Variants in TMEM135 observed in about 807,000 individuals in gnomAD.
TMEM135 encodes the protein peroxisomal membrane protein 52.
A neutral mutation model predicts 60.3 loss-of-function variants in TMEM135; 30 were observed. The observed-to-expected ratio is 0.50, with a 90% CI of 0.37 to 0.68. The LOEUF (loss-of-function observed/expected upper bound fraction) is 0.68. Among genes scored for constraint, TMEM135 ranks in the 30% least tolerant of loss-of-function variants. The pLI is 0.00. For synonymous variants in TMEM135, 190 were observed against 186.7 expected, an observed-to-expected ratio of 1.02 and a Z score of -0.14; for missense variants, 468 against 548.8, an observed-to-expected ratio of 0.85 and a Z score of 1.47.
At chr11:87,108,044 G>C (rs1433359280) in intron 4 of TMEM135, among the ~76,000 whole-genome samples, 1 of 152,080 alleles carries the variant, frequency 6.6e-6, no homozygotes, top group Non-Finnish European at 1.5e-5. Context: ...GTGTCTTTTG[G>C]CTGCAAAAAT....
intron 4 of TMEM135, among the ~76,000 whole-genome samples, chr11:87,092,735 G>A (rs1350696372): frequency 1.1e-5 from 1 of 89,728 alleles, no homozygotes; most frequent in Non-Finnish European, 2.2e-5. Context: ...ATCTTGCTGG[G>A]TATAGAATTC....
intron 4 of TMEM135, among the ~76,000 whole-genome samples, chr11:87,098,620 GAA>G (rs1857384105): frequency 6.6e-6 from 1 of 151,920 alleles, no homozygotes; most frequent in Admixed American, 6.6e-5. Context: ...ACTACAACCT[GAA>G]AAGAATCTAA....
chr11:87,242,983 T>G (rs1465345573), intron 6 of TMEM135, among the ~76,000 whole-genome samples: 1 of 139,880 alleles, frequency 7.1e-6, no homozygotes, highest in East Asian at 2.0e-4. Flanking sequence ...TTCATGGTTT[T>G]AGGTCTAACG....
intron 6 of TMEM135, among the ~76,000 whole-genome samples, chr11:87,242,341 T>A (rs1048280477): frequency 9.2e-5 from 14 of 151,386 alleles, no homozygotes; most frequent in African/African-American, 2.4e-4. Context: ...TAGCAGCATG[T>A]TTTATAGTCC....
intron 6 of TMEM135, among the ~76,000 whole-genome samples, chr11:87,281,344 A>T (rs1009395431): frequency 6.6e-6 from 1 of 152,222 alleles, no homozygotes; most frequent in Admixed American, 6.5e-5. Context: ...TGAGTTACTC[A>T]TGTACTATGC....
chr11:87,283,368 G>C (rs1347174570), intron 6 of TMEM135, among the ~76,000 whole-genome samples: 1 of 151,508 alleles, frequency 6.6e-6, no homozygotes, highest in East Asian at 1.9e-4. Context: ...GAGAATAGTA[G>C]TTTGGAAAAG....
chr11:87,054,369 G>A (rs1441667168), intron 1 of TMEM135, among the ~76,000 whole-genome samples: 1 of 152,180 alleles, frequency 6.6e-6, no homozygotes, highest in Admixed American at 6.5e-5. Context: ...CGGAGGCAGA[G>A]GTTGCGATGA....
chr11:87,220,587 T>C (rs1054788187), intron 5 of TMEM135, among the ~76,000 whole-genome samples: 2 of 152,218 alleles, frequency 1.3e-5, no homozygotes, highest in African/African-American at 4.8e-5. Flanking sequence ...GTTCATCTCA[T>C]TTCTAACTTT....
At chr11:87,288,784 T>C (rs1942212895) in intron 6 of TMEM135, among the ~76,000 whole-genome samples, 1 of 152,176 alleles carries the variant, frequency 6.6e-6, no homozygotes, top group Admixed American at 6.5e-5. Context: ...CACTACACCA[T>C]GCGTTGCCTC....
In TMEM135 at chr11:87,325,492, C is replaced by G. The variant is rs902570318; in HGVS notation, c.*4159C>G. On this transcript the variant is annotated 3_prime_UTR_variant, in exon 15 of 15. Coordinates refer to ENST00000305494, the MANE Select transcript of TMEM135 (RefSeq NM_022918.4). The stretch of plus-strand genomic sequence containing the variant: ...ATTCTGTTGCTGTTTTATGTGGGCT[C>G]TCTCTCTCTCCCTCTCTCTCTCTCT... The G allele has an allele frequency of 2.2e-6, 1 of 453,516 alleles. No homozygotes were observed. The highest frequency in any genetic ancestry group is 2.0e-5 in the African/African-American group (1 of 49,894). 28.1% of individuals were successfully genotyped at this position (453,516 alleles called of 1,614,324 possible). A position where few individuals can be genotyped will look rare whatever the true frequency, so the allele number is the denominator to read the frequency against.
At chr11:87,158,072 A>G (rs555667860) in intron 5 of TMEM135, among the ~76,000 whole-genome samples, 41 of 152,262 alleles carry the variant, frequency 2.7e-4, no homozygotes, top group African/African-American at 9.4e-4. Context: ...CTAATGGCAA[A>G]TACTTAAGGA....
chr11:87,121,310 G>C (rs962267890), intron 4 of TMEM135: 1 of 152,034 alleles, frequency 6.6e-6, no homozygotes, highest in Non-Finnish European at 1.5e-5. Flanking sequence ...TGGGTGCTGT[G>C]GATAGCATAG....
intron 5 of TMEM135, among the ~76,000 whole-genome samples, chr11:87,196,479 A>C: frequency 6.6e-6 from 1 of 152,202 alleles, no homozygotes; most frequent in East Asian, 1.9e-4. Context: ...TTATTTTAGG[A>C]TATGCAAATC....
chr11:87,064,773 A>G (rs1856615858), intron 1 of TMEM135, among the ~76,000 whole-genome samples: 1 of 152,154 alleles, frequency 6.6e-6, no homozygotes, highest in Non-Finnish European at 1.5e-5. Flanking sequence ...AATCCCTGCT[A>G]CTTGGGAGAT....
intron 4 of TMEM135, among the ~76,000 whole-genome samples, chr11:87,097,902 A>G (rs1338532185): frequency 1.3e-5 from 2 of 152,108 alleles, no homozygotes; most frequent in African/African-American, 4.8e-5. Context: ...TGCAGTCCCA[A>G]ACCTCTGTAT....
At position 87,323,019 on chromosome 11, in the gene TMEM135, T is replaced by A. The variant is rs1330331792; in HGVS notation, c.*1686T>A. On this transcript the variant is annotated 3_prime_UTR_variant, in exon 15 of 15. Coordinates refer to ENST00000305494, the MANE Select transcript of TMEM135 (RefSeq NM_022918.4). ...TGTTTAAAATGAAGTACTAAAGCCC[T>A]GAGAACTGCACCTCATTTTCTTTAT... 2.2e-6 allele frequency: 1 copy of A among 454,444 alleles called. No individual in the cohort carries two copies. The highest frequency in any genetic ancestry group is 4.4e-6 in the Non-Finnish European group (1 of 226,722). The allele number at this position is 454,444 out of a possible 1,614,324, so 28.2% of individuals were successfully genotyped here. A position where few individuals can be genotyped will look rare whatever the true frequency, so the allele number is the denominator to read the frequency against.
chr11:87,157,987 T>C (rs1290951497), intron 5 of TMEM135: 1 of 152,814 alleles, frequency 6.5e-6, no homozygotes, highest in African/African-American at 2.4e-5. Context: ...GCTCTTTCTT[T>C]ATTTTCTCCT....
At chr11:87,170,292 C>T (rs1939198596) in intron 5 of TMEM135, among the ~76,000 whole-genome samples, 1 of 150,736 alleles carries the variant, frequency 6.6e-6, no homozygotes, top group East Asian at 2.0e-4. Context: ...TTCTGTCATT[C>T]CTCAAACTTA....
rs889400908 is a variant in TMEM135, at chr11:87,258,904, G to A, written c.509+22220G>A. 7.6e-6 allele frequency: 9 copies of A among 1,190,690 alleles called. No individual in the cohort carries two copies. In the African/African-American group the frequency reaches 1.2e-4, roughly 16 times the overall value. The allele number at this position is 1,190,690 out of a possible 1,614,324, so 73.8% of individuals were successfully genotyped here. On this transcript the variant is annotated intron_variant, in intron 6 of 14. Transcript: ENST00000305494. Reference sequence around the variant, plus strand: ...CCCTTGCATTCTTCCTGAGAGCCCTGTGTTAGGCCCTAGAAGTATCTGCTG... The same window carrying A: ...CCCTTGCATTCTTCCTGAGAGCCCTATGTTAGGCCCTAGAAGTATCTGCTG...
Sources: allele counts gnomAD v4.1 joint callset (sites outside exome capture counted in the v4.1 genomes callset), GRCh38; gene constraint gnomAD v4.1.1; transcripts MANE v1.5; gene names NCBI Gene and HGNC (gene_info 2026-07-23, HGNC 2026-07-21).